The following DGCR8 variants were observed in gnomAD, a reference collection of about 807,000 sequenced individuals.
DGCR8 encodes the protein DGCR8 microprocessor complex subunit.
DGCR8 carries 14 observed loss-of-function variants against 78.5 expected under a neutral mutation model. The observed-to-expected ratio is 0.18, with a 90% CI of 0.12 to 0.28. The LOEUF (loss-of-function observed/expected upper bound fraction) is 0.28. Among genes scored for constraint, DGCR8 ranks in the 10% least tolerant of loss-of-function variants. The pLI is 1.00. For synonymous variants in DGCR8, 399 were observed against 402.4 expected (o/e 0.99, Z 0.10); for missense variants, 702 against 1,022.5 (o/e 0.69, Z 4.28).
At chr22:20,107,034 G>C (rs1047164971) in intron 11 of DGCR8, 2 of 582,998 alleles carry the variant, frequency 3.4e-6, no homozygotes, top group African/African-American at 1.9e-5. Context: ...TCTCGGCTGC[G>C]TGGCTTTGAG....
At position 20,089,933 on chromosome 22, in the gene DGCR8, C is replaced by G. The variant is rs149770295; in HGVS notation, c.1024-43C>G. 1 of 1,589,154 alleles carries G rather than the reference C, an allele frequency of 6.3e-7. No homozygotes were observed. The highest frequency in any genetic ancestry group is 8.6e-7 in the Non-Finnish European group (1 of 1,165,584). On this transcript the variant is annotated intron_variant, in intron 4 of 13. Transcript: ENST00000351989. The surrounding 1 kb of genome is among the most constrained non-coding windows in gnomAD (Gnocchi z 4.9). ...GAAAGGCATCAGAGTTTCAGACTCT[C>G]GGGTTGTCCTTGTAATCCATATTGC... is the stretch of plus-strand genomic sequence containing the variant.
chr22:20,088,154 C>T (rs1041218083), intron 3 of DGCR8, among the ~76,000 whole-genome samples: 19 of 152,112 alleles, frequency 1.2e-4, no homozygotes, highest in Non-Finnish European at 2.5e-4. Flanking sequence ...ATTGAGGGGA[C>T]AAGTTAGCTA....
chr22:20,105,678 C>G (rs534562021), intron 9 of DGCR8, among the ~76,000 whole-genome samples: 2 of 152,210 alleles, frequency 1.3e-5, no homozygotes, highest in African/African-American at 2.4e-5. Flanking sequence ...GGCTGGGCCT[C>G]TGCTGGCCAC....
chr22:20,091,350 G>T, intron 5 of DGCR8, 85 bp from the exon 6 acceptor site: 1 of 1,380,552 alleles, frequency 7.2e-7, no homozygotes, highest in South Asian at 1.2e-5. Flanking sequence ...CATGTGGCCT[G>T]GGCCTGCCCC....
chr22:20,104,271 TCTC>T (rs2049743612), intron 9 of DGCR8, among the ~76,000 whole-genome samples: 1 of 151,954 alleles, frequency 6.6e-6, no homozygotes, highest in Non-Finnish European at 1.5e-5. Flanking sequence ...TTCACGCCAT[TCTC>T]CTGCCTCAGC....
chr22:20,092,717 G>C, intron 7 of DGCR8, 92 bp from the exon 8 acceptor site: 4 of 1,126,076 alleles, frequency 3.6e-6, no homozygotes, highest in Non-Finnish European at 5.2e-6. Context: ...GACAGCCCCT[G>C]ACTGCGCCTT....
intron 10 of DGCR8, 89 bp downstream of exon 10, chr22:20,106,366 C>T (rs959664866): frequency 1.0e-5 from 12 of 1,197,578 alleles, no homozygotes; most frequent in Non-Finnish European, 1.3e-5. Flanking sequence ...TGTCCCAAGG[C>T]AGAGGCATGG....
rs1397544830 is a variant in DGCR8, at chr22:20,106,197, C to T, written c.1809C>T (p.Ile603=). 3.7e-6 allele frequency: 6 copies of T among 1,613,892 alleles called. No homozygotes were observed. The highest frequency in any genetic ancestry group is 1.7e-5 in the Admixed American group (1 of 60,010). ...TGTAGTATTTTAACCACATCAGCAT[C>T]GAGGACTCGCGGGTCTACGAGCTGA... The part of the protein sequence containing the change: ...EELEYFNHIS[I]EDSRVYELTS... Residue 603 remains isoleucine (I), a synonymous_variant, in exon 10 of 14, where the codon ATC becomes ATT. Transcript: ENST00000351989.
chr22:20,086,951 C>A lies in DGCR8; in HGVS notation c.721-211C>A. 1.3e-6 allele frequency: 1 copy of A among 761,618 alleles called. No homozygotes were observed. Among genetic ancestry groups the A allele is most frequent in the Non-Finnish European group, 2.1e-6 (1 of 485,848 alleles). The allele number at this position is 761,618 out of a possible 1,614,324, so 47.2% of individuals were successfully genotyped here. Reference sequence around the variant, plus strand: ...CAGCAGGTGCTGCTGAGTTACGCTCCTTGGCAGTGTGTGCCCCTGGACCAG... The same window carrying A: ...CAGCAGGTGCTGCTGAGTTACGCTCATTGGCAGTGTGTGCCCCTGGACCAG... On this transcript the variant is annotated intron_variant, in intron 2 of 13. Transcript: ENST00000351989. This position sits in a 1 kb window ranked among gnomAD's most constrained non-coding sequence, Gnocchi z 6.4.
In DGCR8 at chr22:20,092,897, G is replaced by C; in HGVS notation, c.1695G>C (p.Lys565Asn). The change falls in exon 8 of 14, where the codon AAG (lysine) becomes AAC (asparagine). Residue 565 changes from lysine (K) to asparagine (N), a missense_variant. Lys to Asn is a moderately conservative substitution (Grantham distance 94, BLOSUM62 0). Transcript: ENST00000351989. The stretch of plus-strand genomic sequence containing the variant: ...CTGCAAGCAGCAAAAAACTTGCGAA[G>C]AATAAAGCTGGTAACGTGCTTGCTT... Reference protein sequence around the residue: ...SGTASSKKLAKNKAARATLEI... With the variant: ...SGTASSKKLANNKAARATLEI... 1 of 1,613,348 alleles carries C rather than the reference G, an allele frequency of 6.2e-7. No individual in the cohort carries two copies. The highest frequency in any genetic ancestry group is 1.1e-5 in the South Asian group (1 of 91,042).
intron 9 of DGCR8, among the ~76,000 whole-genome samples, chr22:20,095,890 A>G (rs1240823444): frequency 6.6e-6 from 1 of 152,140 alleles, no homozygotes; most frequent in African/African-American, 2.4e-5. Context: ...AGATTTGCAT[A>G]AGGAGTACAC....
chr22:20,090,539 G>A (rs984944407), intron 5 of DGCR8, among the ~76,000 whole-genome samples: 3 of 152,204 alleles, frequency 2.0e-5, no homozygotes, highest in Admixed American at 6.5e-5. Flanking sequence ...TTTCTCTCTG[G>A]TTGTTTGTAT....
intron 9 of DGCR8, chr22:20,101,943 G>T: frequency 4.1e-6 from 4 of 985,296 alleles, no homozygotes; most frequent in Non-Finnish European, 4.8e-6. Flanking sequence ...TATGCTACTT[G>T]ATTAAAAAGG....
At position 20,110,096 on chromosome 22, in the gene DGCR8, C is replaced by T. The variant is rs746842277; in HGVS notation, c.2310C>T (p.Thr770=). Residue 770 remains threonine (T), a synonymous_variant, in exon 14 of 14, where the codon ACC becomes ACT. Coordinates refer to ENST00000351989, the MANE Select transcript of DGCR8 (RefSeq NM_022720.7). ...SAQPGGEPLC[T]VDV Reference sequence around the variant, plus strand: ...AGCCTGGCGGTGAGCCCCTGTGCACCGTGGACGTGTGAGGGAGGTGGCACG... The same window carrying T: ...AGCCTGGCGGTGAGCCCCTGTGCACTGTGGACGTGTGAGGGAGGTGGCACG... 18 of 1,610,430 alleles carry T rather than the reference C, an allele frequency of 1.1e-5. No homozygotes were observed. Among genetic ancestry groups the T allele is most frequent in the African/African-American group, 4.0e-5 (3 of 74,952 alleles).
chr22:20,090,157 C>T lies in DGCR8; in HGVS notation c.1205C>T (p.Pro402Leu), dbSNP rs756087746. 64 of 1,614,110 alleles carry T rather than the reference C, an allele frequency of 4.0e-5. No individual in the cohort carries two copies. Among genetic ancestry groups the T allele is most frequent in the Admixed American group, 1.2e-4 (7 of 60,012 alleles). ...LDEPDSMGADPGPPDEKDPLG... is the reference protein window; with the variant it reads ...LDEPDSMGADLGPPDEKDPLG... ...GAGCCTGACTCTATGGGTGCTGACC[C>T]GGGGCCCCCGGACGAGAAAGACCCA... Residue 402 changes from proline to leucine, a missense_variant, in exon 5 of 14, where the codon CCG becomes CTG. Transcript: ENST00000351989.
Position 20,111,279 on chromosome 22 carries a change from C to T in DGCR8, c.*1171C>T, listed in dbSNP as rs147125869. On this transcript the variant is annotated 3_prime_UTR_variant, in exon 14 of 14. Coordinates refer to ENST00000351989, the MANE Select transcript of DGCR8 (RefSeq NM_022720.7). ...TGGCACCTGTGCAGAGTGCCGTGTG[C>T]TTGTGGTGCGCCATCTGAAGCAAGA... The T allele has an allele frequency of 1.5e-5, 6 of 398,588 alleles. No individual in the cohort carries two copies. The highest frequency in any genetic ancestry group is 1.2e-4 in the African/African-American group (6 of 48,656). 24.7% of individuals were successfully genotyped at this position (398,588 alleles called of 1,614,324 possible). A position where few individuals can be genotyped will look rare whatever the true frequency, so the allele number is the denominator to read the frequency against.
chr22:20,107,598 G>A (rs2049785730), intron 12 of DGCR8, 200 bp downstream of exon 12: 3 of 615,488 alleles, frequency 4.9e-6, no homozygotes, highest in Admixed American at 3.0e-5. Flanking sequence ...TGCTGGGCAT[G>A]GTCAGTGAAG....
rs1338021280 is a variant in DGCR8 at position 20,091,563 on chromosome 22, G to A, written c.1435G>A (p.Glu479Lys). 6.2e-6 allele frequency: 10 copies of A among 1,614,124 alleles called. No individual in the cohort carries two copies. The highest frequency in any genetic ancestry group is 1.3e-5 in the African/African-American group (1 of 74,938). The stretch of plus-strand genomic sequence containing the variant: ...AATGAAGCGGAAGCAGGCGGAGTCC[G>A]AGAGGCCCATCTTGCCAGCCAATCA... ...REMKRKQAES[E>K]RPILPANQKL... Residue 479 changes from glutamate to lysine, a missense_variant, in exon 6 of 14, where the codon GAG (glutamate) becomes AAG (lysine). Around this residue, in one of 4 missense-constraint regions of DGCR8, gnomAD observed 225 missense variants for 427.7 expected, o/e 0.53. Coordinates refer to ENST00000351989, the MANE Select transcript of DGCR8 (RefSeq NM_022720.7).
In DGCR8 at chr22:20,094,703, T is replaced by C; in HGVS notation, c.1706-10T>C. On this transcript the variant is annotated splice_polypyrimidine_tract_variant and intron_variant, in intron 8 of 13. Coordinates refer to ENST00000351989, the MANE Select transcript of DGCR8 (RefSeq NM_022720.7). ...CCCAAGCCTCACCCTCGGGCTCTTT[T>C]TTTTCATAGCCCGAGCTACACTGGA... The C allele has an allele frequency of 6.2e-7, 1 of 1,613,712 alleles. No homozygotes were observed. Among genetic ancestry groups the C allele is most frequent in the Non-Finnish European group, 8.5e-7 (1 of 1,179,764 alleles).
Sources: allele counts gnomAD v4.1 joint callset (sites outside exome capture counted in the v4.1 genomes callset), GRCh38; gene constraint gnomAD v4.1.1; regional missense constraint gnomAD v4.1.1; non-coding constraint Gnocchi (gnomAD v3.1); transcripts MANE v1.5; gene names NCBI Gene and HGNC (gene_info 2026-07-23, HGNC 2026-07-21).